Variants in RAMAC observed in about 807,000 individuals in gnomAD.
RAMAC encodes RNA guanine-N7 methyltransferase activating subunit.
RAMAC carries 11 observed loss-of-function variants against 17.9 expected under a neutral mutation model. That is an observed-to-expected ratio of 0.61 (90% CI 0.39 to 1.02). The LOEUF (loss-of-function observed/expected upper bound fraction) is 1.02. RAMAC is among the 50% of genes least tolerant of loss of function. The pLI, the probability that RAMAC is intolerant of heterozygous loss-of-function variation, is 0.01. For synonymous variants in RAMAC, 27 were observed against 48.4 expected (o/e 0.56, Z 1.84); for missense variants, 109 against 144.0 (o/e 0.76, Z 1.25).
chr15:82,989,982 ACCCGCAACACAGACAAGAAC>A lies in RAMAC; in HGVS notation c.274_293del (p.Pro92LeufsTer90), dbSNP rs1335439964. The A allele has an allele frequency of 6.9e-6, 11 of 1,605,736 alleles. No homozygotes were observed. Among genetic ancestry groups the A allele is most frequent in the Non-Finnish European group, 9.4e-6 (11 of 1,174,588 alleles). On this transcript the variant is annotated frameshift_variant, in exon 4 of 4. Coordinates refer to ENST00000304191, the MANE Select transcript of RAMAC (RefSeq NM_031452.4). LOFTEE classifies it high-confidence loss of function. ...CATGGACGATCCTGGGGTAACAACT[ACCCGCAACACAGACAAGAAC>A]CTTACTATCCCCAGCAATATGGACA...
chr15:82,990,102 C>T lies in RAMAC; in HGVS notation c.*35C>T. The T allele has an allele frequency of 9.8e-7, 1 of 1,024,282 alleles. No individual in the cohort carries two copies. 63.4% of individuals were successfully genotyped at this position (1,024,282 alleles called of 1,614,324 possible). ...TGGCAGCTTTTAGTAAAAGCATTTA[C>T]TCTGTTACCATGAGAAAAGTTTGGG... On this transcript the variant is annotated 3_prime_UTR_variant, in exon 4 of 4. Transcript: ENST00000304191.
At chr15:82,988,952 T>C (rs1280734160) in intron 2 of RAMAC, 58 bp from the exon 3 acceptor site, 1 of 1,484,978 alleles carries the variant, frequency 6.7e-7, no homozygotes, top group Non-Finnish European at 9.0e-7. Flanking sequence ...TTTCATTATT[T>C]GGAGAGAGTG....
intron 3 of RAMAC, 94 bp downstream of exon 3, chr15:82,989,282 G>T: frequency 7.6e-7 from 1 of 1,319,620 alleles, no homozygotes; most frequent in Non-Finnish European, 1.0e-6. Flanking sequence ...AGGGACCAGT[G>T]TTTTTGGTAT....
At chr15:82,986,825 T>C (rs1387166606) in intron 1 of RAMAC, among the ~76,000 whole-genome samples, 1 of 152,248 alleles carries the variant, frequency 6.6e-6, no homozygotes, top group Non-Finnish European at 1.5e-5. Context: ...ACTTGAACTA[T>C]TTTGCTTTTG....
intron 3 of RAMAC, among the ~76,000 whole-genome samples, chr15:82,989,390 C>A (rs922714374): frequency 6.6e-6 from 1 of 152,138 alleles, no homozygotes; most frequent in African/African-American, 2.4e-5. Context: ...CCTTGCTGTT[C>A]AAGTGCGTGT....
chr15:82,988,175 C>T lies in RAMAC; in HGVS notation c.-10+791C>T, dbSNP rs141519135. ...CAAAACCCCATCTCTACTAAAAATGCAAAAATTAGCTGGGTGTGGTGGCGC... is the reference window on the plus strand; with the variant it reads ...CAAAACCCCATCTCTACTAAAAATGTAAAAATTAGCTGGGTGTGGTGGCGC... On this transcript the variant is annotated intron_variant, in intron 2 of 3. Transcript: ENST00000304191. 4.8e-3 allele frequency among the ~76,000 whole-genome samples: 734 copies of T among 151,580 alleles called. 4 individuals are homozygous for T. The highest frequency in any genetic ancestry group is 0.016 in the African/African-American group (653 of 41,336).
At position 82,990,650 on chromosome 15, in the gene RAMAC, A is replaced by C; in HGVS notation, c.*583A>C. 6.5e-7 allele frequency: 1 copy of C among 1,530,544 alleles called. No individual in the cohort carries two copies. Among genetic ancestry groups the C allele is most frequent in the Non-Finnish European group, 8.9e-7 (1 of 1,128,246 alleles). The allele number at this position is 1,530,544 out of a possible 1,614,324, so 94.8% of individuals were successfully genotyped here. A position where few individuals can be genotyped will look rare whatever the true frequency, so the allele number is the denominator to read the frequency against. On this transcript the variant is annotated 3_prime_UTR_variant, in exon 4 of 4. Coordinates refer to ENST00000304191, the MANE Select transcript of RAMAC (RefSeq NM_031452.4). Reference sequence around the variant, plus strand: ...GTCTCTTTTTAGAGGGAAATCAGTAATAAAGCTGTAAAATAAGGAAGGAAT... The same window carrying C: ...GTCTCTTTTTAGAGGGAAATCAGTACTAAAGCTGTAAAATAAGGAAGGAAT...
In RAMAC at chr15:82,990,438, C is replaced by T. The variant is rs1044092730; in HGVS notation, c.*371C>T. 11 of 500,100 alleles carry T rather than the reference C, an allele frequency of 2.2e-5. No homozygotes were observed. Among genetic ancestry groups the T allele is most frequent in the Non-Finnish European group, 3.1e-5 (9 of 291,068 alleles). The allele number at this position is 500,100 out of a possible 1,614,324, so 31.0% of individuals were successfully genotyped here. ...GAGTATCCATATGCTTAGATGTGCTCGTTTCTAAAATTCTAGAGGTTGATA... is the reference window on the plus strand; with the variant it reads ...GAGTATCCATATGCTTAGATGTGCTTGTTTCTAAAATTCTAGAGGTTGATA... On this transcript the variant is annotated 3_prime_UTR_variant, in exon 4 of 4. Coordinates refer to ENST00000304191, the MANE Select transcript of RAMAC (RefSeq NM_031452.4).
Position 82,990,899 on chromosome 15 carries a change from C to A in RAMAC, c.*832C>A. 2.3e-6 allele frequency: 1 copy of A among 426,222 alleles called. No individual in the cohort carries two copies. Among genetic ancestry groups the A allele is most frequent in the East Asian group, 3.5e-5 (1 of 28,974 alleles). 26.4% of individuals were successfully genotyped at this position (426,222 alleles called of 1,614,324 possible). A position where few individuals can be genotyped will look rare whatever the true frequency, so the allele number is the denominator to read the frequency against. On this transcript the variant is annotated 3_prime_UTR_variant, in exon 4 of 4. Transcript: ENST00000304191. ...TGGGCTGATTTTACAATGTTATATT[C>A]ACTTCCAGATGCATACCTCTGCTGC... is the stretch of plus-strand genomic sequence containing the variant.
In RAMAC at chr15:82,989,213, A is replaced by G. The variant is rs756964686; in HGVS notation, c.170+25A>G. ...GGTGTGTATTCAAAAGAATAAATGC[A>G]GATAGTTGATCTGGCAGAGGATAGC... is the stretch of plus-strand genomic sequence containing the variant. On this transcript the variant is annotated intron_variant, in intron 3 of 3. Coordinates refer to ENST00000304191, the MANE Select transcript of RAMAC (RefSeq NM_031452.4). The G allele has an allele frequency of 1.9e-6, 3 of 1,607,744 alleles. No individual in the cohort carries two copies. The African/African-American group carries it at 4.0e-5, about 22-fold the overall frequency.
chr15:82,986,860 G>C (rs1201414520), intron 1 of RAMAC, among the ~76,000 whole-genome samples: 2 of 152,136 alleles, frequency 1.3e-5, no homozygotes, highest in Non-Finnish European at 2.9e-5. Flanking sequence ...AAATCTTGTA[G>C]CTTCTTGCTC....
At chr15:82,989,859 CT>C (rs1175162985) in intron 3 of RAMAC, 21 bp from the exon 4 acceptor site, 16 of 1,606,496 alleles carry the variant, frequency 1.0e-5, no homozygotes, top group African/African-American at 2.7e-5. Flanking sequence ...GTTTAAAGAT[CT>C]TTTTTGTTTT....
intron 3 of RAMAC, among the ~76,000 whole-genome samples, chr15:82,989,419 G>T (rs904171795): frequency 1.3e-5 from 2 of 152,068 alleles, no homozygotes; most frequent in African/African-American, 4.8e-5. Flanking sequence ...GTTTTTAGAT[G>T]TTTTTTCTGT....
chr15:82,990,097 A>G lies in RAMAC; in HGVS notation c.*30A>G. ...AATGTTGGCAGCTTTTAGTAAAAGC[A>G]TTTACTCTGTTACCATGAGAAAAGT... On this transcript the variant is annotated 3_prime_UTR_variant, in exon 4 of 4. Transcript: ENST00000304191. The G allele has an allele frequency of 9.4e-7, 1 of 1,064,060 alleles. No individual in the cohort carries two copies. The highest frequency in any genetic ancestry group is 1.3e-6 in the Non-Finnish European group (1 of 774,346). 65.9% of individuals were successfully genotyped at this position (1,064,060 alleles called of 1,614,324 possible).
intron 3 of RAMAC, 67 bp from the exon 4 acceptor site, chr15:82,989,814 T>A: frequency 1.3e-6 from 2 of 1,568,758 alleles, no homozygotes; most frequent in Non-Finnish European, 1.7e-6. Flanking sequence ...GAAGCACTGC[T>A]ATGGGTTTGT....
chr15:82,987,377 C>T lies in RAMAC; in HGVS notation c.-17C>T, dbSNP rs922159438. On this transcript the variant is annotated 5_prime_UTR_variant, in exon 2 of 4. Coordinates refer to ENST00000304191, the MANE Select transcript of RAMAC (RefSeq NM_031452.4). Reference sequence around the variant, plus strand: ...CATTAAGCAGTACAGCTGCCTCAAACCTTTGGGGTAAGTAAAGCTTGGGTC... The same window carrying T: ...CATTAAGCAGTACAGCTGCCTCAAATCTTTGGGGTAAGTAAAGCTTGGGTC... 3 of 152,212 alleles carry T rather than the reference C, an allele frequency of 2.0e-5. No individual in the cohort carries two copies. Among genetic ancestry groups the T allele is most frequent in the Admixed American group, 6.5e-5 (1 of 15,290 alleles). The allele number at this position is 152,212 out of a possible 1,614,324, so 9.4% of individuals were successfully genotyped here. A position where few individuals can be genotyped will look rare whatever the true frequency, so the allele number is the denominator to read the frequency against.
chr15:82,986,403 G>C (rs2030610528), intron 1 of RAMAC, 34 bp downstream of exon 1: 1 of 152,388 alleles, frequency 6.6e-6, no homozygotes, highest in Non-Finnish European at 1.5e-5. Context: ...AGGAGGGAGC[G>C]GGGCGGCCGA....
chr15:82,989,419 G>GT (rs1452477353), intron 3 of RAMAC, among the ~76,000 whole-genome samples: 1 of 152,068 alleles, frequency 6.6e-6, no homozygotes, highest in Non-Finnish European at 1.5e-5. Context: ...GTTTTTAGAT[G>GT]TTTTTTCTGT....
rs781123458 is a variant in RAMAC, at chr15:82,988,994, C to T, written c.-9-16C>T. The T allele has an allele frequency of 3.2e-6, 5 of 1,573,868 alleles. No individual in the cohort carries two copies. The highest frequency in any genetic ancestry group is 4.3e-6 in the Non-Finnish European group (5 of 1,162,250). ...TTTAAATTTTTTTTAATGGAAATGT[C>T]TTTAAAATTGTACAGATTTTCAGAA... On this transcript the variant is annotated splice_polypyrimidine_tract_variant and intron_variant, in intron 2 of 3. Coordinates refer to ENST00000304191, the MANE Select transcript of RAMAC (RefSeq NM_031452.4).
Sources: gnomAD v4.1 joint callset for allele counts (sites outside exome capture counted in the v4.1 genomes callset) on GRCh38, gnomAD v4.1.1 for gene constraint, MANE v1.5 for transcripts, NCBI Gene and HGNC (gene_info 2026-07-23, HGNC 2026-07-21) for gene names.